GBF1: variants seen among roughly 807,000 people sequenced by gnomAD.
GBF1 encodes golgi brefeldin A resistant guanine nucleotide exchange factor 1, also known as Golgi-specific brefeldin A-resistance guanine nucleotide exchange factor 1.
A neutral mutation model predicts 210.5 loss-of-function variants in GBF1; 114 were observed. The ratio of observed to expected loss-of-function variants is 0.54; its 90% CI spans 0.47 to 0.63. GBF1 has a LOEUF of 0.63. Ranked by LOEUF, GBF1 falls within the 30% of genes least tolerant of loss-of-function variation. GBF1 has a pLI of 0.00. For synonymous variants in GBF1, 850 were observed against 889.2 expected (o/e 0.96, Z 0.78); for missense variants, 1,851 against 2,357.7 (o/e 0.79, Z 4.45).
chr10:102,289,457 G>C (rs774286824), intron 3 of GBF1, among the ~76,000 whole-genome samples: 1 of 152,182 alleles, frequency 6.6e-6, no homozygotes, highest in Non-Finnish European at 1.5e-5. Flanking sequence ...AGACATGGTG[G>C]CATGCGCCTG....
intron 3 of GBF1, among the ~76,000 whole-genome samples, chr10:102,263,645 A>G (rs1463525934): frequency 6.6e-6 from 1 of 152,198 alleles, no homozygotes; most frequent in Non-Finnish European, 1.5e-5. Context: ...TGAAGGAAAT[A>G]AGTCCTTTTC....
chr10:102,252,839 CCT>C (rs768075107), intron 1 of GBF1, among the ~76,000 whole-genome samples: 1 of 151,292 alleles, frequency 6.6e-6, no homozygotes, highest in Non-Finnish European at 1.5e-5. Context: ...AGAATGAGAC[CCT>C]GTTTCAAAAA....
intron 3 of GBF1, among the ~76,000 whole-genome samples, chr10:102,333,262 G>T (rs1040405359): frequency 1.3e-5 from 2 of 152,166 alleles, no homozygotes; most frequent in African/African-American, 4.8e-5. Flanking sequence ...TTAAGCCCAG[G>T]CTAGGAAATA....
intron 3 of GBF1, among the ~76,000 whole-genome samples, chr10:102,320,926 G>T (rs1295673685): frequency 6.6e-6 from 1 of 151,814 alleles, no homozygotes; most frequent in African/African-American, 2.4e-5. Flanking sequence ...CTCCCGAGTA[G>T]CTGGGATTAC....
chr10:102,351,457 C>T (rs2058973364), intron 5 of GBF1, 83 bp downstream of exon 5: 1 of 845,540 alleles, frequency 1.2e-6, no homozygotes, highest in African/African-American at 1.7e-5. Flanking sequence ...CAGCATGAAA[C>T]TGTGTTTTGA....
intron 3 of GBF1, among the ~76,000 whole-genome samples, chr10:102,293,764 G>GTTTTTTTTTATTTTTT (rs1263151407): frequency 3.9e-5 from 2 of 50,888 alleles, no homozygotes; most frequent in Non-Finnish European, 8.5e-5. Context: ...GCTGTAGTAT[G>GTTTTTTTTTATTTTTT]TTTTGTGTTT....
chr10:102,376,294 C>G lies in GBF1; in HGVS notation c.3909C>G (p.Leu1303=), dbSNP rs759636486. Residue 1303 remains leucine (L), a synonymous_variant, in exon 31 of 40, where the codon CTC becomes CTG. Coordinates refer to ENST00000369983, the MANE Select transcript of GBF1 (RefSeq NM_001377137.1). ...TAGGGGCCCAGTCAGATAGTGAGCT[C>G]CCATCCTACCATCAGAATGACGTGA... ...PDAGAQSDSE[L]PSYHQNDVSL... The G allele has an allele frequency of 2.5e-6, 4 of 1,614,032 alleles. No individual in the cohort carries two copies. In the East Asian group the frequency reaches 8.9e-5, roughly 36 times the overall value.
chr10:102,296,123 C>T (rs1179936187), intron 3 of GBF1, among the ~76,000 whole-genome samples: 5 of 152,138 alleles, frequency 3.3e-5, no homozygotes, highest in African/African-American at 1.2e-4. Flanking sequence ...ATTTCTGAGT[C>T]TATTCTCACC....
chr10:102,303,410 C>A (rs1488876272), intron 3 of GBF1, among the ~76,000 whole-genome samples: 4 of 152,292 alleles, frequency 2.6e-5, no homozygotes, highest in South Asian at 4.1e-4. Context: ...GCATCCTTGT[C>A]AAAATCAATT....
At chr10:102,255,049 CT>C (rs1206639712) in intron 1 of GBF1, among the ~76,000 whole-genome samples, 1 of 151,216 alleles carries the variant, frequency 6.6e-6, no homozygotes, top group South Asian at 2.1e-4. Context: ...CTAGATGTTT[CT>C]TTTTTTTTGA....
chr10:102,245,673 C>T lies in GBF1; in HGVS notation c.-119C>T, dbSNP rs2070738334. The T allele has an allele frequency of 6.6e-6, 1 of 152,304 alleles. No individual in the cohort carries two copies. 9.4% of individuals were successfully genotyped at this position (152,304 alleles called of 1,614,324 possible). On this transcript the variant is annotated 5_prime_UTR_variant, in exon 1 of 40. Transcript: ENST00000369983. ...CAGGCTCCTTCTCTTCTCCCATCTG[C>T]TACCAGAGCCGGGAGAGCTGCTCGG... is the stretch of plus-strand genomic sequence containing the variant.
chr10:102,276,965 T>TACAC (rs112061268), intron 3 of GBF1, among the ~76,000 whole-genome samples: 15,843 of 148,672 alleles, frequency 0.11, 1,015 homozygotes, highest in East Asian at 0.24. Flanking sequence ...TTTTGCTACT[T>TACAC]ACACACACAC....
chr10:102,327,670 G>A (rs2057009593), intron 3 of GBF1, among the ~76,000 whole-genome samples: 1 of 152,176 alleles, frequency 6.6e-6, no homozygotes, highest in Admixed American at 6.5e-5. Flanking sequence ...CCCATTATTT[G>A]TAAGTTGATT....
At chr10:102,307,868 A>G (rs1159970193) in intron 3 of GBF1, among the ~76,000 whole-genome samples, 4 of 152,296 alleles carry the variant, frequency 2.6e-5, no homozygotes, top group South Asian at 2.1e-4. Flanking sequence ...GACATTCACA[A>G]TAGAGGATAC....
chr10:102,375,958 GA>G (rs2135308478), intron 30 of GBF1, among the ~76,000 whole-genome samples: 1 of 151,816 alleles, frequency 6.6e-6, no homozygotes, highest in African/African-American at 2.4e-5. Context: ...CAGAAACTGG[GA>G]AAACAGTCCT....
At chr10:102,234,098 C>A in the GBF1 span, among the ~76,000 whole-genome samples, 75 of 152,328 alleles carry the variant, frequency 4.9e-4, no homozygotes, top group African/African-American at 1.6e-3. Flanking sequence ...ATGCAGGCTG[C>A]ACAGGATGGC....
chr10:102,373,776 G>A (rs1296468803), intron 29 of GBF1, among the ~76,000 whole-genome samples: 1 of 152,140 alleles, frequency 6.6e-6, no homozygotes, highest in African/African-American at 2.4e-5. Flanking sequence ...TGCACCCTTG[G>A]ACATTTATCC....
chr10:102,311,128 C>T lies in GBF1; in HGVS notation c.164-32923C>T, dbSNP rs778627123. 3.9e-5 allele frequency among the ~76,000 whole-genome samples: 6 copies of T among 152,194 alleles called. No homozygotes were observed. In the South Asian group the frequency reaches 6.2e-4, roughly 16 times the overall value. On this transcript the variant is annotated intron_variant, in intron 3 of 39. Transcript: ENST00000369983. Reference sequence around the variant, plus strand: ...CTTGAGGACTTATTTATTAAAAGGACAGGAATGTCTGGCAAGAAACAGAGG... The same window carrying T: ...CTTGAGGACTTATTTATTAAAAGGATAGGAATGTCTGGCAAGAAACAGAGG...
Position 102,332,664 on chromosome 10 carries a change from G to A in GBF1, c.164-11387G>A, listed in dbSNP as rs112188921. 6.6e-5 allele frequency among the ~76,000 whole-genome samples: 10 copies of A among 152,254 alleles called. 1 individual carries two copies. Among genetic ancestry groups the A allele is most frequent in the African/African-American group, 1.9e-4 (8 of 41,530 alleles). On this transcript the variant is annotated intron_variant, in intron 3 of 39. Transcript: ENST00000369983. ...CTACCAAAGTGCTGGGATAACAAGC[G>A]TGAGCCACCAAGCCCAGCCTAATTT...
Sources: gnomAD v4.1 joint callset for allele counts (sites outside exome capture counted in the v4.1 genomes callset) on GRCh38, gnomAD v4.1.1 for gene constraint, MANE v1.5 for transcripts, NCBI Gene and HGNC (gene_info 2026-07-23, HGNC 2026-07-21) for gene names.